KCNMA1: variants seen among roughly 807,000 people sequenced by gnomAD.
KCNMA1 encodes potassium calcium-activated channel subfamily M alpha 1.
Under a neutral mutation model 140.0 loss-of-function variants are expected in KCNMA1, and 29 were observed. The observed-to-expected ratio is 0.21, with a 90% CI of 0.15 to 0.28. The LOEUF is 0.28. Among genes scored for constraint, KCNMA1 ranks in the 10% least tolerant of loss-of-function variants. The pLI is 1.00. For missense variants in KCNMA1, 880 were observed against 1,602.2 expected, an observed-to-expected ratio of 0.55 and a Z score of 7.70; for synonymous variants, 612 against 611.9, an observed-to-expected ratio of 1.00 and a Z score of 0.00.
intron 1 of KCNMA1, among the ~76,000 whole-genome samples, chr10:77,520,681 G>A (rs1035428976): frequency 6.6e-6 from 1 of 152,048 alleles, no homozygotes; most frequent in African/African-American, 2.4e-5. Flanking sequence ...GAGGCCACTG[G>A]TCATCCCACG....
chr10:76,886,445 A>T lies in KCNMA1; in HGVS notation c.*821T>A. ...ATGTCAAAAGTGAAAGAAAAAAAAT[A>T]GCTATTCATATGGCAACATAAGGAG... On this transcript the variant is annotated 3_prime_UTR_variant, in exon 28 of 28. Transcript: ENST00000286628. The T allele has an allele frequency of 2.0e-6, 2 of 985,054 alleles. No homozygotes were observed. The highest frequency in any genetic ancestry group is 2.4e-6 in the Non-Finnish European group (2 of 829,592). The allele number at this position is 985,054 out of a possible 1,614,324, so 61.0% of individuals were successfully genotyped here. A position where few individuals can be genotyped will look rare whatever the true frequency, so the allele number is the denominator to read the frequency against.
chr10:77,045,228 G>A (rs2094972042), intron 14 of KCNMA1, among the ~76,000 whole-genome samples: 1 of 152,164 alleles, frequency 6.6e-6, no homozygotes, highest in African/African-American at 2.4e-5. Context: ...AAAAATGAAG[G>A]AATGGGACCA....
chr10:76,961,824 C>T (rs1470626286), intron 20 of KCNMA1, among the ~76,000 whole-genome samples: 2 of 152,104 alleles, frequency 1.3e-5, no homozygotes, highest in Non-Finnish European at 2.9e-5. Context: ...AAGGTATGTA[C>T]ACACTTAATA....
chr10:77,433,876 C>T (rs981314189), intron 1 of KCNMA1: 1 of 152,166 alleles, frequency 6.6e-6, no homozygotes, highest in East Asian at 1.9e-4. Flanking sequence ...TTTGACACCG[C>T]CAATCAGTGG....
intron 2 of KCNMA1, among the ~76,000 whole-genome samples, chr10:77,290,780 C>T (rs1038864307): frequency 6.6e-6 from 1 of 152,176 alleles, no homozygotes; most frequent in Admixed American, 6.5e-5. Context: ...GACAGAAAGA[C>T]TTAACCAGTA....
At chr10:76,891,391 A>G in intron 26 of KCNMA1, 134 bp downstream of exon 26, 1 of 723,562 alleles carries the variant, frequency 1.4e-6, no homozygotes, top group Non-Finnish European at 2.4e-6. Flanking sequence ...ATAAATAAAT[A>G]TCACCTCTTA....
chr10:77,447,094 C>T (rs11002172), intron 1 of KCNMA1, among the ~76,000 whole-genome samples: 5,396 of 152,308 alleles, frequency 0.035, 324 homozygotes, highest in African/African-American at 0.12. Flanking sequence ...CTGTCGGTTC[C>T]TTCAGGCTCA....
At chr10:77,326,614 G>C (rs182898609) in intron 2 of KCNMA1, among the ~76,000 whole-genome samples, 305 of 152,234 alleles carry the variant, frequency 2.0e-3, no homozygotes, top group African/African-American at 7.1e-3. Context: ...TTGAGGGAAA[G>C]GGCCACTGCT....
At position 77,155,265 on chromosome 10, in the gene KCNMA1, T is replaced by C. The variant is rs555168067; in HGVS notation, c.808+28156A>G. 5.3e-5 allele frequency among the ~76,000 whole-genome samples: 8 copies of C among 152,360 alleles called. No homozygotes were observed. In the East Asian group the frequency reaches 1.2e-3, roughly 22 times the overall value. On this transcript the variant is annotated intron_variant, in intron 5 of 27. Coordinates refer to ENST00000286628, the MANE Select transcript of KCNMA1 (RefSeq NM_001161352.2). ...ACTGTGAGATTCTCAGAGAATTCTTTCCTGCCTGCTATTGATCTCCAAAAA... is the reference window on the plus strand; with the variant it reads ...ACTGTGAGATTCTCAGAGAATTCTTCCCTGCCTGCTATTGATCTCCAAAAA...
Position 76,914,240 on chromosome 10 carries a change from G to A in KCNMA1, c.3016+696C>T, listed in dbSNP as rs894778074. ...CAGAGGAAACATTCTCAAGTAAAGGGACCCCGGACCACAGGTAGTTTGCAT... is the reference window on the plus strand; with the variant it reads ...CAGAGGAAACATTCTCAAGTAAAGGAACCCCGGACCACAGGTAGTTTGCAT... On this transcript the variant is annotated intron_variant, in intron 24 of 27. Transcript: ENST00000286628. The A allele has an allele frequency of 4.9e-6, 4 of 823,674 alleles. No individual in the cohort carries two copies. The African/African-American group carries it at 6.9e-5, about 14-fold the overall frequency. The allele number at this position is 823,674 out of a possible 1,614,324, so 51.0% of individuals were successfully genotyped here. A position where few individuals can be genotyped will look rare whatever the true frequency, so the allele number is the denominator to read the frequency against.
intron 1 of KCNMA1, among the ~76,000 whole-genome samples, chr10:77,444,838 G>A (rs768172004): frequency 1.3e-5 from 2 of 152,152 alleles, no homozygotes; most frequent in Non-Finnish European, 2.9e-5. Flanking sequence ...AAGAGTTACC[G>A]AGTCCCTTCT....
chr10:77,499,175 A>G (rs1303303079), intron 1 of KCNMA1, among the ~76,000 whole-genome samples: 2 of 152,198 alleles, frequency 1.3e-5, no homozygotes, highest in South Asian at 2.1e-4. Context: ...TTTCTGAAAC[A>G]AGATGTGTTA....
rs544821216 is a variant in KCNMA1, at chr10:77,363,260, A to C, written c.540+40602T>G. ...AATTCCAGTTCAGGCCACAGAGCTG[A>C]CATCTTCTGGATTCCCACTCCTGGG... On this transcript the variant is annotated intron_variant, in intron 2 of 27. Transcript: ENST00000286628. 1.1e-4 allele frequency among the ~76,000 whole-genome samples: 17 copies of C among 152,316 alleles called. No individual in the cohort carries two copies. In the South Asian group the frequency reaches 3.3e-3, roughly 30 times the overall value.
chr10:77,032,314 T>C (rs2093991465), intron 15 of KCNMA1, among the ~76,000 whole-genome samples: 1 of 152,210 alleles, frequency 6.6e-6, no homozygotes, highest in South Asian at 2.1e-4. Context: ...ATTAGCCATC[T>C]AATCCTTATT....
intron 29 of KCNMA1, among the ~76,000 whole-genome samples, chr10:76,879,674 G>A (rs1466967541): frequency 6.6e-6 from 1 of 151,928 alleles, no homozygotes; most frequent in Non-Finnish European, 1.5e-5. Context: ...TTCCTGATGG[G>A]CTGGTTAAAA....
intron 3 of KCNMA1, among the ~76,000 whole-genome samples, chr10:77,189,108 G>C (rs1464243575): frequency 6.6e-6 from 1 of 152,242 alleles, no homozygotes; most frequent in East Asian, 1.9e-4. Context: ...GATTTAGTAG[G>C]TTTGGGGTGG....
chr10:77,113,526 C>T (rs139961575), intron 6 of KCNMA1, among the ~76,000 whole-genome samples: 1,882 of 152,174 alleles, frequency 0.012, 46 homozygotes, highest in African/African-American at 0.042. Flanking sequence ...TGCAGTGGCA[C>T]GGTCTTGGCT....
intron 1 of KCNMA1, among the ~76,000 whole-genome samples, chr10:77,427,636 A>G (rs1389484348): frequency 6.6e-6 from 1 of 152,244 alleles, no homozygotes; most frequent in African/African-American, 2.4e-5. Flanking sequence ...GCACATAGGT[A>G]ACACTCAACA....
At position 77,183,515 on chromosome 10, in the gene KCNMA1, A is replaced by G; in HGVS notation, c.714T>C (p.Asp238=). ...YFGLRFIAAN[D]KLWFWLEVNS... ...TCACTTCCAGCCAGAACCACAATTTATCGTTGGCTGCAATAAACTGGGGGA... is the reference window on the plus strand; with the variant it reads ...TCACTTCCAGCCAGAACCACAATTTGTCGTTGGCTGCAATAAACTGGGGGA... The change falls in exon 5 of 28, where the codon GAT becomes GAC. Residue 238 remains aspartate, a synonymous_variant. Transcript: ENST00000286628. 1 of 1,612,742 alleles carries G rather than the reference A, an allele frequency of 6.2e-7. No homozygotes were observed. Among genetic ancestry groups the G allele is most frequent in the Non-Finnish European group, 8.5e-7 (1 of 1,178,912 alleles).
Sources: allele counts gnomAD v4.1 joint callset (sites outside exome capture counted in the v4.1 genomes callset), GRCh38; gene constraint gnomAD v4.1.1; transcripts MANE v1.5; gene names NCBI Gene and HGNC (gene_info 2026-07-23, HGNC 2026-07-21).